RAP1GAP2: variants seen among roughly 807,000 people sequenced by gnomAD.
RAP1GAP2 encodes RAP1 GTPase activating protein 2, also known as rap1 GTPase-activating protein 2.
RAP1GAP2 carries 27 observed loss-of-function variants against 95.0 expected under a neutral mutation model. That is an observed-to-expected ratio of 0.28 (90% CI 0.21 to 0.39). The LOEUF is 0.39. RAP1GAP2 is among the 10% of genes least tolerant of loss of function. RAP1GAP2 has a pLI of 1.00. For missense variants in RAP1GAP2, 771 were observed against 970.0 expected, an observed-to-expected ratio of 0.79 and a Z score of 2.72; for synonymous variants, 373 against 380.9, an observed-to-expected ratio of 0.98 and a Z score of 0.24.
chr17:2,982,170 C>G (rs57910892), intron 10 of RAP1GAP2, among the ~76,000 whole-genome samples: 5 of 152,296 alleles, frequency 3.3e-5, no homozygotes, highest in Non-Finnish European at 4.4e-5. Context: ...GACTGAGTCT[C>G]GCTCTGTCAC....
At chr17:2,851,061 GAA>G (rs11337766) in intron 2 of RAP1GAP2, among the ~76,000 whole-genome samples, 1 of 79,710 alleles carries the variant, frequency 1.3e-5, no homozygotes, top group Non-Finnish European at 2.8e-5. Flanking sequence ...AACGTCTCAA[GAA>G]AAAAAAAAAA....
exon 1 of RAP1GAP2, chr17:2,777,268 G>A (rs183719551): frequency 2.0e-5 from 3 of 152,850 alleles, no homozygotes; most frequent in African/African-American, 7.2e-5. Flanking sequence ...TGACCGGGAT[G>A]GAGGTCAGAG....
intron 2 of RAP1GAP2, among the ~76,000 whole-genome samples, chr17:2,890,685 C>CTTT (rs374485374): frequency 3.7e-5 from 5 of 136,204 alleles, no homozygotes; most frequent in African/African-American, 1.1e-4. Context: ...TCAGTGTTTA[C>CTTT]TTTTTTTTTT....
intron 14 of RAP1GAP2, among the ~76,000 whole-genome samples, chr17:2,999,295 G>A (rs148573029): frequency 6.6e-6 from 1 of 152,314 alleles, no homozygotes; most frequent in East Asian, 1.9e-4. Flanking sequence ...GGCGGGCATG[G>A]GACTCAAGGG....
chr17:2,816,982 CTTTTTTTTT>C (rs148255771), intron 2 of RAP1GAP2, among the ~76,000 whole-genome samples: 1 of 48,680 alleles, frequency 2.1e-5, no homozygotes, highest in Middle Eastern at 0.017. Flanking sequence ...TCAGAATTTC[CTTTTTTTTT>C]TTTTTTTTTT....
chr17:3,018,037 C>T (rs1453439083), intron 17 of RAP1GAP2, 24 bp from the exon 18 acceptor site: 1 of 1,562,088 alleles, frequency 6.4e-7, no homozygotes, highest in Admixed American at 1.9e-5. Flanking sequence ...TGCTGATTCT[C>T]AGGCCCTTGT....
intron 2 of RAP1GAP2, among the ~76,000 whole-genome samples, chr17:2,879,899 C>T (rs1284674465): frequency 6.6e-6 from 1 of 152,028 alleles, no homozygotes; most frequent in African/African-American, 2.4e-5. Flanking sequence ...CTGGTGAGGG[C>T]AGGATCATCT....
rs771765452 is a variant in RAP1GAP2 at position 3,006,030 on chromosome 17, G to A, written c.1348G>A (p.Ala450Thr). 45 of 1,608,524 alleles carry A rather than the reference G, an allele frequency of 2.8e-5. No individual in the cohort carries two copies. The highest frequency in any genetic ancestry group is 3.6e-5 in the Non-Finnish European group (42 of 1,176,840). ...CGCCTGCTGCAAGTCGGACAAGTTT[G>A]CAAAGCTGGAGGTGAGAGTGTGGTT... Reference protein sequence around the residue: ...ENACCKSDKFAKLEDRTRAAL... With the variant: ...ENACCKSDKFTKLEDRTRAAL... The change falls in exon 16 of 25, where the codon GCA becomes ACA. Residue 450 changes from alanine (A) to threonine (T), a missense_variant. By Grantham distance (58) the Ala-to-Thr change is moderately conservative (BLOSUM62 0). Coordinates refer to ENST00000254695, the MANE Select transcript of RAP1GAP2 (RefSeq NM_015085.5).
rs778778481 is a variant in RAP1GAP2, at chr17:3,018,078, C to T, written c.1512C>T (p.Arg504=). ...LESFKRAIRV[R]SHSMETMVGG... is the part of the protein sequence containing the mutation. ...CCCCGTAGAGGGCCATCCGCGTACG[C>T]AGCCACTCCATGGAGACCATGGTGG... Residue 504 remains arginine, a synonymous_variant, in exon 18 of 25, where the codon CGC becomes CGT. Coordinates refer to ENST00000254695, the MANE Select transcript of RAP1GAP2 (RefSeq NM_015085.5). 8 of 1,590,998 alleles carry T rather than the reference C, an allele frequency of 5.0e-6. No individual in the cohort carries two copies. In the East Asian group the frequency reaches 6.9e-5, roughly 14 times the overall value.
intron 1 of RAP1GAP2, among the ~76,000 whole-genome samples, chr17:2,790,191 C>T (rs1340992677): frequency 6.6e-6 from 1 of 152,002 alleles, no homozygotes; most frequent in Non-Finnish European, 1.5e-5. Context: ...CAGCTCACTG[C>T]AACCTCCACC....
At chr17:2,858,112 C>T (rs761388844) in intron 2 of RAP1GAP2, among the ~76,000 whole-genome samples, 5 of 152,048 alleles carry the variant, frequency 3.3e-5, no homozygotes, top group Non-Finnish European at 5.9e-5. Context: ...AAAAAAGGTA[C>T]GTTCTGAAAG....
rs542579912 is a variant in RAP1GAP2, at chr17:2,820,814, C to T, written c.80+20264C>T. ...TCGGCTCACTAAAATCTCCGCCTCC[C>T]GGGTTCAAGCAATTCTCCTGCCTCA... On this transcript the variant is annotated intron_variant, in intron 2 of 24. Coordinates refer to ENST00000254695, the MANE Select transcript of RAP1GAP2 (RefSeq NM_015085.5). Among the ~76,000 whole-genome samples, 23 of 150,736 alleles carry T rather than the reference C, an allele frequency of 1.5e-4. No homozygotes were observed. The South Asian group carries it at 4.5e-3, about 29-fold the overall frequency.
chr17:2,867,894 G>C lies in RAP1GAP2; in HGVS notation c.81-37390G>C, dbSNP rs142323929. Among the ~76,000 whole-genome samples the C allele has an allele frequency of 6.6e-5, 10 of 152,266 alleles. No homozygotes were observed. The East Asian group carries it at 1.9e-3, about 29-fold the overall frequency. On this transcript the variant is annotated intron_variant, in intron 2 of 24. Coordinates refer to ENST00000254695, the MANE Select transcript of RAP1GAP2 (RefSeq NM_015085.5). This position sits in a 1 kb window ranked among gnomAD's most constrained non-coding sequence, Gnocchi z 4.5. ...AAGGAGGCTTCCTTCTGCCTTGGCT[G>C]GATGAGGTGTGCTTTCTTCTTCACG...
chr17:2,969,585 T>C (rs1322849457), intron 8 of RAP1GAP2, among the ~76,000 whole-genome samples: 2 of 136,012 alleles, frequency 1.5e-5, no homozygotes, highest in African/African-American at 5.3e-5. Flanking sequence ...TATTGCAACC[T>C]GCAACTCCCA....
chr17:2,761,979 C>CTTTTTTTTTTTTTTT (rs901487276), intron 1 of RAP1GAP2, among the ~76,000 whole-genome samples: 1 of 77,710 alleles, frequency 1.3e-5, no homozygotes, highest in Non-Finnish European at 2.4e-5. Context: ...GTTTATATAT[C>CTTTTTTTTTTTTTTT]TTTTTTTTTT....
intron 2 of RAP1GAP2, among the ~76,000 whole-genome samples, chr17:2,852,867 A>G (rs2071924106): frequency 6.6e-6 from 1 of 152,090 alleles, no homozygotes; most frequent in African/African-American, 2.4e-5. Flanking sequence ...TTTCCCCAGG[A>G]GCCGGCGCGA....
intron 2 of RAP1GAP2, among the ~76,000 whole-genome samples, chr17:2,889,887 A>ATTT (rs1183050009): frequency 1.3e-3 from 52 of 38,728 alleles, no homozygotes; most frequent in African/African-American, 4.5e-3. Flanking sequence ...ATATATATAT[A>ATTT]TATTTTTTTT....
At chr17:2,976,017 C>T (rs1464360256) in intron 8 of RAP1GAP2, among the ~76,000 whole-genome samples, 2 of 152,166 alleles carry the variant, frequency 1.3e-5, no homozygotes, top group Non-Finnish European at 2.9e-5. Context: ...TCCGTGAACA[C>T]GCTCTGTTCA....
intron 2 of RAP1GAP2, among the ~76,000 whole-genome samples, chr17:2,823,403 A>G (rs1048286269): frequency 2.6e-5 from 4 of 152,210 alleles, no homozygotes; most frequent in African/African-American, 9.6e-5. Context: ...GGGTTCAGGA[A>G]TTTGTAAGTG....
Sources: gnomAD v4.1 joint callset for allele counts (sites outside exome capture counted in the v4.1 genomes callset) on GRCh38, gnomAD v4.1.1 for gene constraint, Gnocchi (gnomAD v3.1) non-coding constraint, MANE v1.5 for transcripts, NCBI Gene and HGNC (gene_info 2026-07-23, HGNC 2026-07-21) for gene names.